LRCH1: variants seen among roughly 807,000 people sequenced by gnomAD.
LRCH1 encodes leucine rich repeats and calponin homology domain containing 1.
LRCH1 carries 23 observed loss-of-function variants against 94.9 expected under a neutral mutation model. The ratio of observed to expected loss-of-function variants is 0.24; its 90% CI spans 0.17 to 0.34. The LOEUF (loss-of-function observed/expected upper bound fraction) is 0.34, where lower values mean the gene tolerates loss of function less well. LRCH1 is among the 10% of genes least tolerant of loss of function. The pLI is 1.00. For missense variants in LRCH1, 790 were observed against 945.9 expected (o/e 0.84, Z 2.16); for synonymous variants, 364 against 354.9 (o/e 1.03, Z -0.29).
intron 1 of LRCH1, among the ~76,000 whole-genome samples, chr13:46,625,828 A>AT (rs2050942188): frequency 6.6e-6 from 1 of 151,198 alleles, no homozygotes; most frequent in South Asian, 2.1e-4. Context: ...TTATTTTTGT[A>AT]TTTTTTGTAG....
intron 3 of LRCH1, among the ~76,000 whole-genome samples, chr13:46,676,438 ATCCTTACCTG>A: frequency 6.6e-6 from 1 of 152,196 alleles, no homozygotes; most frequent in South Asian, 2.1e-4. Context: ...GAATTATTTA[ATCCTTACCTG>A]TTCTTTTGAT....
intron 4 of LRCH1, among the ~76,000 whole-genome samples, chr13:46,684,246 C>CT (rs10641089): frequency 0.01 from 1,545 of 149,326 alleles, 19 homozygotes; most frequent in African/African-American, 0.033. Context: ...CTCTACTCCA[C>CT]TTTTTTTTTT....
chr13:46,681,310 G>C (rs545171446), intron 3 of LRCH1, among the ~76,000 whole-genome samples: 1 of 152,318 alleles, frequency 6.6e-6, no homozygotes, highest in African/African-American at 2.4e-5. Context: ...TGGGATAGTG[G>C]CTAAACGGTG....
chr13:46,637,656 C>T (rs977816779), intron 1 of LRCH1, among the ~76,000 whole-genome samples: 47 of 152,132 alleles, frequency 3.1e-4, no homozygotes, highest in Non-Finnish European at 1.5e-4. Context: ...ACCTTGGTTG[C>T]GAATTCTTCC....
intron 5 of LRCH1, 147 bp from the exon 6 acceptor site, chr13:46,687,705 T>C (rs1870693077): frequency 3.7e-6 from 2 of 540,324 alleles, no homozygotes; most frequent in Non-Finnish European, 6.2e-6. Context: ...TTCTTACATG[T>C]TTTGGAAAGG....
chr13:46,676,970 G>T (rs980490623), intron 3 of LRCH1, among the ~76,000 whole-genome samples: 1 of 152,016 alleles, frequency 6.6e-6, no homozygotes, highest in African/African-American at 2.4e-5. Context: ...TGTAGAGTCA[G>T]GGTTTCCTAA....
At chr13:46,607,425 T>C (rs963407848) in intron 1 of LRCH1, among the ~76,000 whole-genome samples, 2 of 152,182 alleles carry the variant, frequency 1.3e-5, no homozygotes, top group Non-Finnish European at 2.9e-5. Flanking sequence ...TTTTATTTTG[T>C]TTTGGTGCTT....
At chr13:46,585,680 A>G (rs1433259141) in intron 1 of LRCH1, among the ~76,000 whole-genome samples, 2 of 152,098 alleles carry the variant, frequency 1.3e-5, no homozygotes, top group African/African-American at 2.4e-5. Flanking sequence ...CACTCAAGTA[A>G]TTTTCATTCT....
intron 1 of LRCH1, among the ~76,000 whole-genome samples, chr13:46,636,480 C>G (rs967192433): frequency 6.6e-6 from 1 of 152,178 alleles, no homozygotes; most frequent in Non-Finnish European, 1.5e-5. Context: ...ATTCTGTACC[C>G]AGTAAACATT....
intron 1 of LRCH1, among the ~76,000 whole-genome samples, chr13:46,558,712 G>A (rs1380061884): frequency 6.6e-6 from 1 of 151,744 alleles, no homozygotes; most frequent in Non-Finnish European, 1.5e-5. Context: ...CAGCCTGGGC[G>A]ACAGAACAAG....
At chr13:46,582,370 CTTTTTT>C (rs10686269) in intron 1 of LRCH1, among the ~76,000 whole-genome samples, 2 of 79,590 alleles carry the variant, frequency 2.5e-5, no homozygotes, top group Non-Finnish European at 4.4e-5. Flanking sequence ...TTGCTCTCAT[CTTTTTT>C]TTTTTTTTTT....
intron 1 of LRCH1, among the ~76,000 whole-genome samples, chr13:46,628,672 A>C (rs970019895): frequency 2.0e-5 from 3 of 151,614 alleles, no homozygotes; most frequent in Admixed American, 1.3e-4. Flanking sequence ...AGAAAAAAAA[A>C]AAAAAAACAC....
intron 1 of LRCH1, among the ~76,000 whole-genome samples, chr13:46,587,013 G>A (rs1036298359): frequency 6.6e-6 from 1 of 152,174 alleles, no homozygotes; most frequent in African/African-American, 2.4e-5. Flanking sequence ...GTGGCTTCTG[G>A]CTTAGACCCT....
intron 1 of LRCH1, among the ~76,000 whole-genome samples, chr13:46,559,255 A>T (rs1212209887): frequency 6.6e-6 from 1 of 152,252 alleles, no homozygotes; most frequent in Non-Finnish European, 1.5e-5. Context: ...TTATAGTTAT[A>T]TCCAGTTTTG....
intron 3 of LRCH1, among the ~76,000 whole-genome samples, chr13:46,678,493 C>G (rs1478834943): frequency 2.6e-5 from 4 of 152,106 alleles, no homozygotes; most frequent in Non-Finnish European, 4.4e-5. Flanking sequence ...TTTGTCAGGA[C>G]AGGAAGTAAT....
chr13:46,597,476 C>T (rs1431574349), intron 1 of LRCH1, among the ~76,000 whole-genome samples: 1 of 152,062 alleles, frequency 6.6e-6, no homozygotes, highest in East Asian at 1.9e-4. Context: ...CCTGCCTCAG[C>T]CTCTCAAGTA....
At chr13:46,589,821 G>A (rs573890966) in intron 1 of LRCH1, among the ~76,000 whole-genome samples, 6 of 151,400 alleles carry the variant, frequency 4.0e-5, no homozygotes, top group Non-Finnish European at 7.4e-5. Flanking sequence ...GGCTGGTCTC[G>A]AACTCCTGAC....
chr13:46,577,125 G>A (rs1189133416), intron 1 of LRCH1, among the ~76,000 whole-genome samples: 4 of 152,052 alleles, frequency 2.6e-5, no homozygotes, highest in East Asian at 1.9e-4. Context: ...ACAGAGTTTC[G>A]TTCTTGTTGC....
chr13:46,750,106 A>G (rs910552758), intron 18 of LRCH1, among the ~76,000 whole-genome samples: 1 of 152,212 alleles, frequency 6.6e-6, no homozygotes, highest in African/African-American at 2.4e-5. Flanking sequence ...GAACTCAATG[A>G]AGTTCTATGG....
Sources: allele counts gnomAD v4.1 joint callset (sites outside exome capture counted in the v4.1 genomes callset), GRCh38; gene constraint gnomAD v4.1.1; transcripts MANE v1.5; gene names NCBI Gene and HGNC (gene_info 2026-07-23, HGNC 2026-07-21).